Variants in SHC3 observed in about 807,000 individuals in gnomAD.
SHC3 encodes SHC adaptor protein 3, also known as SHC-transforming protein 3.
SHC3 carries 15 observed loss-of-function variants against 60.4 expected under a neutral mutation model. The observed-to-expected ratio is 0.25, with a 90% CI of 0.17 to 0.38. The LOEUF (loss-of-function observed/expected upper bound fraction) is 0.38, where lower values mean the gene tolerates loss of function less well. Ranked by LOEUF, SHC3 falls within the 10% of genes least tolerant of loss-of-function variation. SHC3 has a pLI of 1.00. For missense variants in SHC3, 677 were observed against 786.1 expected (o/e 0.86, Z 1.66); for synonymous variants, 294 against 325.9 (o/e 0.90, Z 1.05).
Position 89,178,023 on chromosome 9 carries a change from G to A in SHC3, c.438C>T (p.Asp146=). Residue 146 remains aspartate, a synonymous_variant, in exon 1 of 12, where the codon GAC becomes GAT. Transcript: ENST00000375835. The surrounding 1 kb of genome is among the most constrained non-coding windows in gnomAD (Gnocchi z 6.9). The part of the protein sequence containing the change: ...RPPRGAPHAS[D]QVLGPGVTYV... Reference sequence around the variant, plus strand: ...AGGTGACTCCGGGCCCCAGCACCTGGTCGCTGGCGTGCGGCGCCCCCCGAG... The same window carrying A: ...AGGTGACTCCGGGCCCCAGCACCTGATCGCTGGCGTGCGGCGCCCCCCGAG... The A allele has an allele frequency of 8.1e-7, 1 of 1,234,394 alleles. No individual in the cohort carries two copies. The allele number at this position is 1,234,394 out of a possible 1,614,324, so 76.5% of individuals were successfully genotyped here.
At chr9:89,083,037 C>T (rs6559341) in intron 2 of SHC3, among the ~76,000 whole-genome samples, 141,442 of 152,254 alleles carry the variant, frequency 0.93, 65,818 homozygotes, top group East Asian at 0.98. Flanking sequence ...AAAACAGCAC[C>T]GTGGTCCACC....
intron 7 of SHC3, among the ~76,000 whole-genome samples, chr9:89,049,117 C>T (rs1256593805): frequency 2.0e-5 from 3 of 152,054 alleles, no homozygotes; most frequent in African/African-American, 4.8e-5. Context: ...AAAAATTAGC[C>T]GGGCGTGGTG....
At chr9:89,063,349 C>T (rs891310657) in intron 6 of SHC3, among the ~76,000 whole-genome samples, 1 of 152,186 alleles carries the variant, frequency 6.6e-6, no homozygotes, top group Non-Finnish European at 1.5e-5. Flanking sequence ...AGGCTGGTTT[C>T]GGTCTTCTGA....
chr9:89,020,811 C>G (rs1243837812), intron 11 of SHC3, among the ~76,000 whole-genome samples: 1 of 152,150 alleles, frequency 6.6e-6, no homozygotes, highest in Admixed American at 6.5e-5. Flanking sequence ...AGTGACTAAG[C>G]TGGGCACAAA....
Position 89,069,549 on chromosome 9 carries a change from T to C in SHC3, c.783+1650A>G, listed in dbSNP as rs920099079. Among the ~76,000 whole-genome samples, 8 of 151,842 alleles carry C rather than the reference T, an allele frequency of 5.3e-5. No individual in the cohort carries two copies. In the South Asian group the frequency reaches 1.2e-3, roughly 24 times the overall value. On this transcript the variant is annotated intron_variant, in intron 5 of 11. Coordinates refer to ENST00000375835, the MANE Select transcript of SHC3 (RefSeq NM_016848.6). The stretch of plus-strand genomic sequence containing the variant: ...AATGGCAGATCTCAGGGCTAAACAG[T>C]GCTCTGACCATCCTTTGACAATTAA...
At chr9:89,042,243 A>T in intron 9 of SHC3, 59 bp from the exon 10 acceptor site, 1 of 1,462,996 alleles carries the variant, frequency 6.8e-7, no homozygotes, top group Non-Finnish European at 9.0e-7. Flanking sequence ...CAAGCCACCC[A>T]GCCTTTCACA....
intron 11 of SHC3, 26 bp downstream of exon 11, chr9:89,037,967 C>T (rs372829968): frequency 1.5e-4 from 234 of 1,599,196 alleles, no homozygotes; most frequent in Non-Finnish European, 1.8e-4. Context: ...CTGGCAGGTC[C>T]GGCCCCACCC....
In SHC3 at chr9:89,120,538, G is replaced by A. The variant is rs12344702; in HGVS notation, c.475-7912C>T. Among the ~76,000 whole-genome samples the A allele has an allele frequency of 1.3e-3, 197 of 152,310 alleles. 1 individual carries two copies. Among genetic ancestry groups the A allele is most frequent in the African/African-American group, 4.6e-3 (193 of 41,582 alleles). ...ACCCAGCAGAATGGTCAAATTTGGT[G>A]AGAACACAGGAAAATGTGCCTTCTC... is the stretch of plus-strand genomic sequence containing the variant. On this transcript the variant is annotated intron_variant, in intron 1 of 11. Transcript: ENST00000375835.
chr9:89,051,469 G>T (rs536630564), intron 7 of SHC3, among the ~76,000 whole-genome samples: 170 of 152,160 alleles, frequency 1.1e-3, no homozygotes, highest in Non-Finnish European at 2.0e-3. Context: ...AAAACCTAAG[G>T]TGCCATTCTT....
At chr9:89,028,393 T>C (rs1331041826) in intron 11 of SHC3, among the ~76,000 whole-genome samples, 2 of 151,434 alleles carry the variant, frequency 1.3e-5, no homozygotes, top group Non-Finnish European at 2.9e-5. Context: ...AAGAGAAAGA[T>C]CATGATGAGC....
At chr9:89,065,691 C>T in intron 5 of SHC3, 111 bp from the exon 6 acceptor site, 1 of 991,664 alleles carries the variant, frequency 1.0e-6, no homozygotes, top group Non-Finnish European at 1.6e-6. Flanking sequence ...CACCAAACAG[C>T]TAAAGAATCA....
At chr9:89,050,890 A>C (rs2117920843) in intron 7 of SHC3, among the ~76,000 whole-genome samples, 1 of 148,180 alleles carries the variant, frequency 6.7e-6, no homozygotes, top group Non-Finnish European at 1.5e-5. Flanking sequence ...AGCTTGCTGA[A>C]GTTTCTTTCG....
intron 6 of SHC3, among the ~76,000 whole-genome samples, chr9:89,053,619 G>A (rs1383898868): frequency 1.3e-5 from 2 of 152,138 alleles, no homozygotes; most frequent in Admixed American, 1.3e-4. Context: ...TGCTTTGGGG[G>A]GCAATGCAAC....
At chr9:89,069,554 T>TG (rs34728656) in intron 5 of SHC3, among the ~76,000 whole-genome samples, 6,156 of 152,346 alleles carry the variant, frequency 0.04, 183 homozygotes, top group Middle Eastern at 0.061. Context: ...AACAGTGCTC[T>TG]GACCATCCTT....
At chr9:89,150,481 G>T (rs1826530592) in intron 1 of SHC3, among the ~76,000 whole-genome samples, 1 of 152,102 alleles carries the variant, frequency 6.6e-6, no homozygotes, top group South Asian at 2.1e-4. Flanking sequence ...TTTGTGTCTG[G>T]CTCCTTTGCT....
At chr9:89,142,614 G>A (rs548944310) in intron 1 of SHC3, among the ~76,000 whole-genome samples, 3 of 151,136 alleles carry the variant, frequency 2.0e-5, no homozygotes, top group East Asian at 2.0e-4. Context: ...CCAGGAGGAG[G>A]AGGTTGCAGT....
At chr9:89,167,374 C>T (rs1267990051) in intron 1 of SHC3, among the ~76,000 whole-genome samples, 1 of 152,202 alleles carries the variant, frequency 6.6e-6, no homozygotes, top group African/African-American at 2.4e-5. Flanking sequence ...TTTCTCTATC[C>T]CAGAGACCAG....
intron 1 of SHC3, among the ~76,000 whole-genome samples, chr9:89,171,848 G>A (rs574628415): frequency 2.0e-5 from 3 of 152,308 alleles, no homozygotes; most frequent in South Asian, 4.1e-4. Flanking sequence ...TTCACTAGAT[G>A]GCAGTGGTAT....
chr9:89,033,829 A>C (rs1053572145), intron 11 of SHC3, among the ~76,000 whole-genome samples: 5 of 152,208 alleles, frequency 3.3e-5, no homozygotes, highest in Non-Finnish European at 7.3e-5. Flanking sequence ...ATTTGGGATA[A>C]AAAGATTAGG....
Sources: allele counts gnomAD v4.1 joint callset (sites outside exome capture counted in the v4.1 genomes callset), GRCh38; gene constraint gnomAD v4.1.1; non-coding constraint Gnocchi (gnomAD v3.1); transcripts MANE v1.5; gene names NCBI Gene and HGNC (gene_info 2026-07-23, HGNC 2026-07-21).